The following SCAF11 variants were observed in gnomAD, a reference collection of about 807,000 sequenced individuals.
The protein encoded by SCAF11 is protein SCAF11.
A neutral mutation model predicts 140.5 loss-of-function variants in SCAF11; 47 were observed. The ratio of observed to expected loss-of-function variants is 0.33; its 90% CI spans 0.26 to 0.43. SCAF11 has a LOEUF of 0.43. SCAF11 is among the 20% of genes least tolerant of loss of function. The pLI is 1.00. For synonymous variants in SCAF11, 557 were observed against 579.4 expected (o/e 0.96, Z 0.55); for missense variants, 1,645 against 1,705.1 (o/e 0.96, Z 0.62).
At chr12:45,991,171 T>A (rs1004302674), upstream of SCAF11, among the ~76,000 whole-genome samples, 16 of 152,318 alleles carry the variant, frequency 1.1e-4, no homozygotes, top group African/African-American at 3.8e-4. Context: ...CCACCTTTCC[T>A]CCTTTCTGGT....
rs1048311568 is a variant in SCAF11 at position 45,928,647 on chromosome 12, T to A, written c.1054A>T (p.Ser352Cys). 6.2e-7 allele frequency: 1 copy of A among 1,614,180 alleles called. No individual in the cohort carries two copies. Among genetic ancestry groups the A allele is most frequent in the Non-Finnish European group, 8.5e-7 (1 of 1,180,014 alleles). The part of the protein sequence containing the change: ...DNSGCDAPGN[S>C]NPSLSVPSSA... Reference sequence around the variant, plus strand: ...GAGGGAACACTTAAAGATGGATTACTGTTACCTGGGGCATCACACCCAGAA... The same window carrying A: ...GAGGGAACACTTAAAGATGGATTACAGTTACCTGGGGCATCACACCCAGAA... Residue 352 changes from serine to cysteine, a missense_variant, in exon 11 of 15, where the codon AGT becomes TGT. Coordinates refer to ENST00000369367, the MANE Select transcript of SCAF11 (RefSeq NM_004719.3).
chr12:45,932,999 A>T, intron 9 of SCAF11, 132 bp downstream of exon 9: 1 of 595,212 alleles, frequency 1.7e-6, no homozygotes, highest in East Asian at 2.8e-5. Flanking sequence ...CATTTGAAAC[A>T]CCAAAGTTTA....
chr12:45,984,280 A>G (rs530156221), intron 1 of SCAF11, among the ~76,000 whole-genome samples: 143 of 152,172 alleles, frequency 9.4e-4, no homozygotes, highest in African/African-American at 3.3e-3. Context: ...ATGTCTTCCA[A>G]TTTGGGTTTG....
intron 10 of SCAF11, among the ~76,000 whole-genome samples, chr12:45,930,445 G>GTTTTTTTTTT (rs1262102132): frequency 1.4e-4 from 17 of 123,698 alleles, no homozygotes; most frequent in African/African-American, 5.9e-4. Context: ...GTTGTGTTTT[G>GTTTTTTTTTT]TTTTTTTTTT....
chr12:45,972,945 T>TATATAGATATATATATAGATATATAG (rs1565689152), intron 1 of SCAF11, among the ~76,000 whole-genome samples: 1,065 of 99,186 alleles, frequency 0.011, 88 homozygotes, highest in African/African-American at 0.05. Flanking sequence ...TATAGATATA[T>TATATAGATATATATATAGATATATAG]ATATAGATAT....
intron 11 of SCAF11, among the ~76,000 whole-genome samples, 174 bp from the exon 12 acceptor site, chr12:45,925,248 C>T (rs1385449239): frequency 2.6e-5 from 4 of 152,142 alleles, no homozygotes; most frequent in Non-Finnish European, 5.9e-5. Flanking sequence ...TGTGGACTGA[C>T]TTTCTAATGA....
At chr12:45,970,383 AAAG>A (rs1328515091) in intron 1 of SCAF11, among the ~76,000 whole-genome samples, 2 of 152,216 alleles carry the variant, frequency 1.3e-5, no homozygotes, top group Non-Finnish European at 2.9e-5. Context: ...GGTTACACAG[AAAG>A]AAGAGGGATA....
chr12:45,949,824 G>C (rs1225868439), intron 4 of SCAF11, among the ~76,000 whole-genome samples: 8 of 152,086 alleles, frequency 5.3e-5, no homozygotes, highest in Admixed American at 5.2e-4. Flanking sequence ...AAGAAGTCTA[G>C]GACAGTGACA....
At chr12:45,981,208 T>C (rs765315730) in intron 1 of SCAF11, among the ~76,000 whole-genome samples, 17 of 152,198 alleles carry the variant, frequency 1.1e-4, no homozygotes, top group Non-Finnish European at 2.2e-4. Context: ...TTCTGCTATG[T>C]TCACCATGAC....
intron 3 of SCAF11, chr12:45,956,208 A>G: frequency 2.8e-6 from 2 of 715,438 alleles, no homozygotes; most frequent in Non-Finnish European, 2.6e-6. Context: ...AGAGAGAGAA[A>G]CAAGTGTTAA....
intron 1 of SCAF11, among the ~76,000 whole-genome samples, chr12:45,980,785 T>C (rs931111379): frequency 6.6e-6 from 1 of 152,130 alleles, no homozygotes; most frequent in Non-Finnish European, 1.5e-5. Context: ...TCTCATGCCC[T>C]TTTAGTGCAA....
Position 45,931,575 on chromosome 12 carries a change from G to A in SCAF11, c.772C>T (p.Leu258Phe). 12 of 1,525,088 alleles carry A rather than the reference G, an allele frequency of 7.9e-6. No individual in the cohort carries two copies. Among genetic ancestry groups the A allele is most frequent in the Middle Eastern group, 1.7e-4 (1 of 5,826 alleles). The allele number at this position is 1,525,088 out of a possible 1,614,324, so 94.5% of individuals were successfully genotyped here. Residue 258 changes from leucine (L) to phenylalanine (F), a missense_variant, in exon 10 of 15, where the codon CTT becomes TTT. Coordinates refer to ENST00000369367, the MANE Select transcript of SCAF11 (RefSeq NM_004719.3). Reference sequence around the variant, plus strand: ...GGCAACACAGAAGAAATGAGAGGAAGGACTTCTGTTTCAACATTCCAGGGT... The same window carrying A: ...GGCAACACAGAAGAAATGAGAGGAAAGACTTCTGTTTCAACATTCCAGGGT... ...FIPWNVETEV[L>F]PLISSVLPRT... is the part of the protein sequence containing the mutation.
chr12:45,951,644 ACTTAC>A lies in SCAF11; in HGVS notation c.297+1_297+5del. On this transcript the variant is annotated splice_donor_variant and splice_donor_5th_base_variant and intron_variant, in intron 4 of 14. Coordinates refer to ENST00000369367, the MANE Select transcript of SCAF11 (RefSeq NM_004719.3). LOFTEE classifies it high-confidence loss of function. ...ATAATTCATGTTGCAGAATAAAAAGACTTACCTTAACATAACCTTCCAATGCACTG... is the reference window on the plus strand; with the variant it reads ...ATAATTCATGTTGCAGAATAAAAAGACTTAACATAACCTTCCAATGCACTG... 3.9e-6 allele frequency: 6 copies of A among 1,549,060 alleles called. No homozygotes were observed. The highest frequency in any genetic ancestry group is 4.4e-6 in the Non-Finnish European group (5 of 1,139,050).
At position 45,928,760 on chromosome 12, in the gene SCAF11, GGTTTTC is replaced by G; in HGVS notation, c.935_940del (p.Arg312_Lys313del). 6.2e-7 allele frequency: 1 copy of G among 1,613,378 alleles called. No homozygotes were observed. Among genetic ancestry groups the G allele is most frequent in the Non-Finnish European group, 8.5e-7 (1 of 1,179,840 alleles). ...CCTCCTTGTAGGAGTTGTCATTGCA[GGTTTTC>G]GTCTTGATCCTCTGGTATTTGATGT... On this transcript the variant is annotated inframe_deletion, in exon 11 of 15. Coordinates refer to ENST00000369367, the MANE Select transcript of SCAF11 (RefSeq NM_004719.3).
At position 45,927,795 on chromosome 12, in the gene SCAF11, C is replaced by T; in HGVS notation, c.1906G>A (p.Gly636Arg). 1 of 1,613,680 alleles carries T rather than the reference C, an allele frequency of 6.2e-7. No homozygotes were observed. The highest frequency in any genetic ancestry group is 1.3e-5 in the African/African-American group (1 of 74,998). ...TCTACATCTTCAGTTTCAACATGCC[C>T]AAGCAATTGAACCTCTGGGCTCTTA... is the stretch of plus-strand genomic sequence containing the variant. ...SVKSPEVQLL[G>R]HVETEDVEII... The change falls in exon 11 of 15, where the codon GGG becomes AGG. Residue 636 changes from glycine (G) to arginine (R), a missense_variant. This residue lies in a region of SCAF11 where 1,582 missense variants were observed against 1,609.2 expected (regional missense o/e 0.98). Coordinates refer to ENST00000369367, the MANE Select transcript of SCAF11 (RefSeq NM_004719.3).
intron 1 of SCAF11, chr12:45,974,631 ATG>A: frequency 5.4e-6 from 1 of 185,694 alleles, no homozygotes; most frequent in Non-Finnish European, 1.1e-5. Flanking sequence ...CAATTCAGTC[ATG>A]TCTTCAGGCT....
Position 45,927,363 on chromosome 12 carries a change from T to G in SCAF11, c.2338A>C (p.Thr780Pro), listed in dbSNP as rs137901313. Residue 780 changes from threonine to proline, a missense_variant, in exon 11 of 15, where the codon ACC (threonine) becomes CCC (proline). Thr to Pro is a conservative substitution (Grantham distance 38). Transcript: ENST00000369367. ...VSQPSESPKDTIDKTKKPRTR... is the reference protein window; with the variant it reads ...VSQPSESPKDPIDKTKKPRTR... ...CGAGGCTTTTTGGTTTTATCTATGGTATCTTTTGGGCTTTCAGATGGTTGA... is the reference window on the plus strand; with the variant it reads ...CGAGGCTTTTTGGTTTTATCTATGGGATCTTTTGGGCTTTCAGATGGTTGA... The G allele has an allele frequency of 3.8e-4, 618 of 1,614,192 alleles. 1 individual carries two copies. The highest frequency in any genetic ancestry group is 2.0e-3 in the Middle Eastern group (12 of 6,062).
At chr12:45,951,273 G>A (rs957874048) in intron 4 of SCAF11, among the ~76,000 whole-genome samples, 2 of 152,064 alleles carry the variant, frequency 1.3e-5, no homozygotes, top group African/African-American at 4.8e-5. Flanking sequence ...TGGAAAACAT[G>A]TATTCAAAGT....
chr12:45,955,184 G>T (rs1945655988), intron 3 of SCAF11: 2 of 149,540 alleles, frequency 1.3e-5, no homozygotes, highest in Non-Finnish European at 1.5e-5. Context: ...TTTTTAAACA[G>T]GGTCTCACCC....
Sources: allele counts gnomAD v4.1 joint callset (sites outside exome capture counted in the v4.1 genomes callset), GRCh38; gene constraint gnomAD v4.1.1; regional missense constraint gnomAD v4.1.1; transcripts MANE v1.5; gene names NCBI Gene and HGNC (gene_info 2026-07-23, HGNC 2026-07-21).